Variants in ADNP observed in about 807,000 individuals in gnomAD.
ADNP encodes the protein activity dependent neuroprotector homeobox, also known as activity-dependent neuroprotector homeobox protein.
Under a neutral mutation model 84.9 loss-of-function variants are expected in ADNP, and 4 were observed. That is an observed-to-expected ratio of 0.05 (90% CI 0.02 to 0.11). ADNP has a LOEUF of 0.11. ADNP is among the 10% of genes least tolerant of loss of function. The pLI is 1.00. For synonymous variants in ADNP, 554 were observed against 468.1 expected (o/e 1.18, Z -2.37); for missense variants, 1,132 against 1,326.0 (o/e 0.85, Z 2.27).
chr20:50,904,152 C>T, intron 3 of ADNP, 151 bp from the exon 4 acceptor site: 1 of 613,538 alleles, frequency 1.6e-6, no homozygotes, highest in Non-Finnish European at 2.9e-6. Context: ...CAGACACACA[C>T]CTGCTTTCAT....
Position 50,889,572 on chromosome 20 carries a change from T to C in ADNP, c.*1833A>G, listed in dbSNP as rs1980437616. ...GGAGAGGCTGGTCAAATCTCTACTC[T>C]CTGGTAACAGCATTAACAAGAGTCT... On this transcript the variant is annotated 3_prime_UTR_variant, in exon 6 of 6. Coordinates refer to ENST00000621696, the MANE Select transcript of ADNP (RefSeq NM_001282531.3). The C allele has an allele frequency of 2.5e-5, 7 of 281,176 alleles. No homozygotes were observed. In the East Asian group the frequency reaches 3.5e-4, roughly 14 times the overall value. The allele number at this position is 281,176 out of a possible 1,614,324, so 17.4% of individuals were successfully genotyped here.
chr20:50,914,900 G>A (rs970810410), intron 2 of ADNP, among the ~76,000 whole-genome samples: 6 of 151,998 alleles, frequency 3.9e-5, no homozygotes, highest in South Asian at 4.1e-4. Context: ...GAATATTTAC[G>A]TATTTCAGTG....
chr20:50,930,199 A>G (rs1488843174), intron 1 of ADNP, among the ~76,000 whole-genome samples: 3 of 152,120 alleles, frequency 2.0e-5, no homozygotes, highest in Non-Finnish European at 2.9e-5. Context: ...TGGGGCTCAG[A>G]ATGTTCGAAA....
At position 50,922,579 on chromosome 20, in the gene ADNP, T is replaced by TG. The variant is rs1555816451; in HGVS notation, c.-90+6071_-90+6072insC. Among the ~76,000 whole-genome samples the TG allele has an allele frequency of 9.0e-5, 5 of 55,390 alleles. No homozygotes were observed. In the East Asian group the frequency reaches 1.3e-3, roughly 14 times the overall value. The allele number at this position is 55,390 out of a possible 152,430, so 36.3% of individuals were successfully genotyped here. A position where few individuals can be genotyped will look rare whatever the true frequency, so the allele number is the denominator to read the frequency against. ...GCTCTCTGAACCCAGTCCTCCTGCGTTTTTTTTTTTTTTTTTTAAAGACAG... is the reference window on the plus strand; with the variant it reads ...GCTCTCTGAACCCAGTCCTCCTGCGTGTTTTTTTTTTTTTTTTTAAAGACAG... On this transcript the variant is annotated intron_variant, in intron 2 of 5. Transcript: ENST00000621696.
chr20:50,903,119 G>A (rs1982145097), intron 4 of ADNP, among the ~76,000 whole-genome samples: 1 of 152,146 alleles, frequency 6.6e-6, no homozygotes, highest in African/African-American at 2.4e-5. Context: ...GGGCTAAATG[G>A]ATAAACAAGG....
chr20:50,924,659 G>A (rs1373885056), intron 2 of ADNP, among the ~76,000 whole-genome samples: 4 of 152,112 alleles, frequency 2.6e-5, no homozygotes, highest in Admixed American at 2.6e-4. Flanking sequence ...TACCATAAAG[G>A]CCAGCAAGGG....
At chr20:50,904,130 T>C in intron 3 of ADNP, 129 bp from the exon 4 acceptor site, 2 of 665,112 alleles carry the variant, frequency 3.0e-6, no homozygotes, top group Non-Finnish European at 5.2e-6. Flanking sequence ...CCTCATCTAG[T>C]GTGTACACAC....
chr20:50,894,114 T>A lies in ADNP; in HGVS notation c.600A>T (p.Ala200=), dbSNP rs1223242903. Residue 200 remains alanine, a synonymous_variant, in exon 6 of 6, where the codon GCA becomes GCT. Transcript: ENST00000621696. The part of the protein sequence containing the change: ...QHVAAPYIAK[A]GEKSLNGAVP... Reference sequence around the variant, plus strand: ...CTGCCCCATTGAGTGATTTTTCTCCTGCCTTTGCTATGTAAGGTGCTGCCA... The same window carrying A: ...CTGCCCCATTGAGTGATTTTTCTCCAGCCTTTGCTATGTAAGGTGCTGCCA... The A allele has an allele frequency of 6.2e-7, 1 of 1,614,196 alleles. No individual in the cohort carries two copies. Among genetic ancestry groups the A allele is most frequent in the South Asian group, 1.1e-5 (1 of 91,086 alleles).
rs553400071 is a variant in ADNP, at chr20:50,902,371, A to C, written c.109-262T>G. On this transcript the variant is annotated intron_variant, in intron 4 of 5. Transcript: ENST00000621696. ...TGCTGGAAGTTCTAATTAAGTAAAA[A>C]ATTCAGCCACACACTAATATCAAAG... Among the ~76,000 whole-genome samples, 101 of 152,312 alleles carry C rather than the reference A, an allele frequency of 6.6e-4. 1 individual carries two copies. The highest frequency in any genetic ancestry group is 2.4e-3 in the African/African-American group (100 of 41,566).
In ADNP at chr20:50,891,542, A is replaced by C. The variant is rs755727938; in HGVS notation, c.3172T>G (p.Ser1058Ala). 6.2e-7 allele frequency: 1 copy of C among 1,612,066 alleles called. No homozygotes were observed. Among genetic ancestry groups the C allele is most frequent in the Non-Finnish European group, 8.5e-7 (1 of 1,180,036 alleles). Reference protein sequence around the residue: ...KNASENDERLSNPQIEWQNST... With the variant: ...KNASENDERLANPQIEWQNST... Reference sequence around the variant, plus strand: ...TTCTGCCACTCAATCTGGGGGTTAGATAAGCGCTCATCATTCTCAGATGCA... The same window carrying C: ...TTCTGCCACTCAATCTGGGGGTTAGCTAAGCGCTCATCATTCTCAGATGCA... Residue 1058 changes from serine (S) to alanine (A), a missense_variant, in exon 6 of 6, where the codon TCT (serine) becomes GCT (alanine). Ser to Ala is a moderately conservative substitution (Grantham distance 99). Around this residue, in one of 10 missense-constraint regions of ADNP, gnomAD observed 381 missense variants for 319.9 expected, o/e 1.19. Transcript: ENST00000621696.
intron 2 of ADNP, among the ~76,000 whole-genome samples, chr20:50,911,958 G>T (rs1343584043): frequency 6.6e-6 from 1 of 151,932 alleles, no homozygotes; most frequent in East Asian, 1.9e-4. Flanking sequence ...TGTAAACTTT[G>T]CTACTTTATA....
chr20:50,913,954 C>T, intron 2 of ADNP: 1 of 703,696 alleles, frequency 1.4e-6, no homozygotes, highest in South Asian at 1.5e-5. Flanking sequence ...TTGGTCTCCT[C>T]TTCAGACTGC....
At chr20:50,921,585 A>G (rs1241576367) in intron 2 of ADNP, among the ~76,000 whole-genome samples, 1 of 152,216 alleles carries the variant, frequency 6.6e-6, no homozygotes, top group African/African-American at 2.4e-5. Context: ...TTATCCTGAT[A>G]CTTTCCGTAT....
In ADNP at chr20:50,893,940, T is replaced by C; in HGVS notation, c.774A>G (p.Thr258=). 6.2e-7 allele frequency: 1 copy of C among 1,614,082 alleles called. No homozygotes were observed. The highest frequency in any genetic ancestry group is 1.1e-5 in the South Asian group (1 of 91,078). Residue 258 remains threonine (T), a synonymous_variant, in exon 6 of 6, where the codon ACA becomes ACG. Transcript: ENST00000621696. This position sits in a 1 kb window ranked among gnomAD's most constrained non-coding sequence, Gnocchi z 4.4. ...GYQVTAMIGH[T]NVVVPRSKPL... The stretch of plus-strand genomic sequence containing the variant: ...GTTTGGATCGGGGAACCACTACATT[T>C]GTGTGCCCAATCATGGCAGTGACCT...
At chr20:50,929,277 A>G (rs1305338630) in intron 1 of ADNP, among the ~76,000 whole-genome samples, 1 of 152,252 alleles carries the variant, frequency 6.6e-6, no homozygotes, top group East Asian at 1.9e-4. Context: ...GGGAATCCGA[A>G]CCAAGGATGT....
chr20:50,914,564 G>A (rs918392646), intron 2 of ADNP, among the ~76,000 whole-genome samples: 22 of 152,124 alleles, frequency 1.4e-4, no homozygotes, highest in African/African-American at 5.1e-4. Context: ...CTAAACTTAC[G>A]GCTTGCTTTC....
In ADNP at chr20:50,892,648, C is replaced by A. The variant is rs200421965; in HGVS notation, c.2066G>T (p.Gly689Val). 6.2e-7 allele frequency: 1 copy of A among 1,614,186 alleles called. No homozygotes were observed. Among genetic ancestry groups the A allele is most frequent in the East Asian group, 2.2e-5 (1 of 44,882 alleles). The change falls in exon 6 of 6, where the codon GGC becomes GTC. Residue 689 changes from glycine (G) to valine (V), a missense_variant. Coordinates refer to ENST00000621696, the MANE Select transcript of ADNP (RefSeq NM_001282531.3). ...TITLHLVHCR[G>V]VGKTQNGQDK... ...CTGGCCATTTTGGGTCTTTCCAACG[C>A]CCCTGCAGTGAACTAGATGCAGAGT...
intron 2 of ADNP, among the ~76,000 whole-genome samples, chr20:50,919,474 G>C (rs1983790883): frequency 4.6e-5 from 7 of 151,822 alleles, no homozygotes; most frequent in Admixed American, 4.6e-4. Flanking sequence ...TTTCCCTGCT[G>C]TATCTCTATC....
chr20:50,901,904 C>T (rs1982023448), intron 5 of ADNP, 113 bp downstream of exon 5: 3 of 837,848 alleles, frequency 3.6e-6, no homozygotes, highest in Admixed American at 2.3e-5. Flanking sequence ...AATTTTGACA[C>T]TTTCGATGTT....
Sources: allele counts gnomAD v4.1 joint callset (sites outside exome capture counted in the v4.1 genomes callset), GRCh38; gene constraint gnomAD v4.1.1; regional missense constraint gnomAD v4.1.1; non-coding constraint Gnocchi (gnomAD v3.1); transcripts MANE v1.5; gene names NCBI Gene and HGNC (gene_info 2026-07-23, HGNC 2026-07-21).